The following GRM8 variants were observed in gnomAD, a reference collection of about 807,000 sequenced individuals.
GRM8 encodes the protein glutamate metabotropic receptor 8.
A neutral mutation model predicts 87.2 loss-of-function variants in GRM8; 47 were observed. That is an observed-to-expected ratio of 0.54 (90% CI 0.43 to 0.69). The LOEUF is 0.69. GRM8 is among the 30% of genes least tolerant of loss of function. The pLI, the probability that GRM8 is intolerant of heterozygous loss-of-function variation, is 0.00. For missense variants in GRM8, 1,019 were observed against 1,139.2 expected (o/e 0.89, Z 1.52); for synonymous variants, 396 against 404.5 (o/e 0.98, Z 0.25).
At chr7:126,832,135 T>C (rs1388431703) in intron 6 of GRM8, among the ~76,000 whole-genome samples, 1 of 149,628 alleles carries the variant, frequency 6.7e-6, no homozygotes, top group Non-Finnish European at 1.5e-5. Context: ...CTCAGATCAT[T>C]GTCCAAGAGT....
intron 6 of GRM8, among the ~76,000 whole-genome samples, chr7:126,788,112 T>C (rs1820820093): frequency 6.6e-6 from 1 of 152,028 alleles, no homozygotes; most frequent in South Asian, 2.1e-4. Context: ...TGTAGATTTC[T>C]ATCATTAAAA....
At chr7:127,013,213 C>A (rs1815070141) in intron 3 of GRM8, among the ~76,000 whole-genome samples, 1 of 152,164 alleles carries the variant, frequency 6.6e-6, no homozygotes, top group African/African-American at 2.4e-5. Context: ...CAGGCTGGAG[C>A]AGAGAGGCGG....
chr7:126,550,207 C>T (rs551096397), intron 8 of GRM8, among the ~76,000 whole-genome samples: 61 of 151,904 alleles, frequency 4.0e-4, no homozygotes, highest in African/African-American at 1.4e-3. Flanking sequence ...CTCTGCCTCC[C>T]GGGTTCAAGC....
At chr7:126,768,381 A>AAAAAAAAG (rs1818443964) in intron 7 of GRM8, among the ~76,000 whole-genome samples, 1 of 148,530 alleles carries the variant, frequency 6.7e-6, no homozygotes, top group Non-Finnish European at 1.5e-5. Context: ...AAAAAAAAAA[A>AAAAAAAAG]GTGGACAGAA....
intron 2 of GRM8, among the ~76,000 whole-genome samples, chr7:127,234,771 C>A (rs931689553): frequency 1.6e-4 from 25 of 152,178 alleles, no homozygotes; most frequent in Non-Finnish European, 2.9e-5. Context: ...TTCTCGCATG[C>A]TACAGTGTGA....
Position 126,533,101 on chromosome 7 carries a change from C to T in GRM8, c.2281G>A (p.Val761Ile). ...TTAATGGCATAAACAGTACAAGTGA[C>T]CATCAAGAGGATACTGTATCCAAGT... ...CSLGYSILLMVTCTVYAIKTR... is the reference protein window; with the variant it reads ...CSLGYSILLMITCTVYAIKTR... The change falls in exon 9 of 11, where the codon GTC becomes ATC. Residue 761 changes from valine (V) to isoleucine (I), a missense_variant. By Grantham distance (29) the Val-to-Ile change is conservative. Transcript: ENST00000339582. 1.2e-6 allele frequency: 2 copies of T among 1,613,276 alleles called. No homozygotes were observed. The highest frequency in any genetic ancestry group is 1.7e-6 in the Non-Finnish European group (2 of 1,179,818).
chr7:127,157,385 T>A (rs1477623681), intron 2 of GRM8, among the ~76,000 whole-genome samples: 2 of 152,122 alleles, frequency 1.3e-5, no homozygotes. Flanking sequence ...TGAATCACTT[T>A]GGCAATCTGG....
chr7:126,605,729 A>G (rs1370804367), intron 8 of GRM8, among the ~76,000 whole-genome samples: 1 of 152,208 alleles, frequency 6.6e-6, no homozygotes, highest in African/African-American at 2.4e-5. Context: ...GGTTTAATAG[A>G]ACAAGAAGAG....
intron 7 of GRM8, among the ~76,000 whole-genome samples, chr7:126,732,003 C>T (rs1361995): frequency 0.35 from 52,932 of 151,550 alleles, 9,644 homozygotes; most frequent in Non-Finnish European, 0.38. Context: ...GGAAGAATTG[C>T]CATGGGGTAA....
At chr7:127,096,603 A>G (rs17865451) in intron 3 of GRM8, among the ~76,000 whole-genome samples, 69 of 152,158 alleles carry the variant, frequency 4.5e-4, no homozygotes, top group African/African-American at 1.6e-3. Flanking sequence ...AACACTAGCC[A>G]TGAGCCACAC....
At chr7:126,536,830 CACAAAACAAA>C (rs1254274844) in intron 8 of GRM8, among the ~76,000 whole-genome samples, 1 of 151,816 alleles carries the variant, frequency 6.6e-6, no homozygotes, top group Non-Finnish European at 1.5e-5. Flanking sequence ...GCTCAAAAAA[CACAAAACAAA>C]ACAAAACAAA....
At chr7:126,647,847 T>C (rs1435073727) in intron 7 of GRM8, among the ~76,000 whole-genome samples, 2 of 152,176 alleles carry the variant, frequency 1.3e-5, no homozygotes, top group African/African-American at 4.8e-5. Context: ...TTTCCCATGT[T>C]GTTCTCTTCC....
chr7:126,684,095 G>C (rs998412590), intron 7 of GRM8, among the ~76,000 whole-genome samples: 2 of 152,046 alleles, frequency 1.3e-5, no homozygotes, highest in Non-Finnish European at 2.9e-5. Context: ...GAAGTAGAGA[G>C]GATGGAAGAC....
At chr7:126,946,025 A>C (rs1393761096) in intron 3 of GRM8, among the ~76,000 whole-genome samples, 2 of 152,204 alleles carry the variant, frequency 1.3e-5, no homozygotes, top group Non-Finnish European at 2.9e-5. Context: ...TCCTTCCTAC[A>C]TCCACACCCT....
chr7:126,584,373 C>T (rs956552810), intron 8 of GRM8, among the ~76,000 whole-genome samples: 27 of 152,016 alleles, frequency 1.8e-4, no homozygotes, highest in Non-Finnish European at 2.6e-4. Flanking sequence ...TACAGGCACA[C>T]GCCACCATGC....
intron 3 of GRM8, chr7:127,095,647 T>C (rs1255743932): frequency 1.3e-5 from 2 of 152,242 alleles, no homozygotes; most frequent in African/African-American, 4.8e-5. Flanking sequence ...ATTTAACTCA[T>C]ATGCCACTGT....
rs369289926 is a variant in GRM8 at position 126,904,139 on chromosome 7, A to G, written c.864-13T>C. The G allele has an allele frequency of 1.3e-5, 21 of 1,597,900 alleles. No individual in the cohort carries two copies. The African/African-American group carries it at 2.5e-4, about 19-fold the overall frequency. On this transcript the variant is annotated splice_polypyrimidine_tract_variant and intron_variant, in intron 4 of 10. Coordinates refer to ENST00000339582, the MANE Select transcript of GRM8 (RefSeq NM_000845.3). ...TTCCAATATCCTCCTACAGGAATAA[A>G]AATAAATAATGCATATCACATGTAT...
chr7:126,974,953 A>G (rs1170469597), intron 3 of GRM8, among the ~76,000 whole-genome samples: 1 of 149,692 alleles, frequency 6.7e-6, no homozygotes, highest in Non-Finnish European at 1.5e-5. Context: ...AAAAAAAAAA[A>G]AAAAAAAAAA....
At chr7:126,940,151 A>T (rs2131524436) in intron 3 of GRM8, among the ~76,000 whole-genome samples, 1 of 152,298 alleles carries the variant, frequency 6.6e-6, no homozygotes, top group Non-Finnish European at 1.5e-5. Flanking sequence ...TCCGGATTAA[A>T]ATAGAACCTT....
Sources: gnomAD v4.1 joint callset for allele counts (sites outside exome capture counted in the v4.1 genomes callset) on GRCh38, gnomAD v4.1.1 for gene constraint, MANE v1.5 for transcripts, NCBI Gene and HGNC (gene_info 2026-07-23, HGNC 2026-07-21) for gene names.